Variants in CHD8 observed in about 807,000 individuals in gnomAD.
CHD8 encodes the protein chromodomain helicase DNA binding protein 8, also known as ATP-dependent chromatin remodeler CHD8.
Under a neutral mutation model 279.2 loss-of-function variants are expected in CHD8, and 31 were observed. That is an observed-to-expected ratio of 0.11 (90% CI 0.08 to 0.15). CHD8 has a LOEUF of 0.15. Among genes scored for constraint, CHD8 ranks in the 10% least tolerant of loss-of-function variants. The pLI, the probability that CHD8 is intolerant of heterozygous loss-of-function variation, is 1.00. For synonymous variants in CHD8, 1,081 were observed against 1,139.6 expected, an observed-to-expected ratio of 0.95 and a Z score of 1.04; for missense variants, 2,146 against 3,230.5, an observed-to-expected ratio of 0.66 and a Z score of 8.14.
rs1887509712 is a variant in CHD8 at position 21,390,974 on chromosome 14, C to A, written c.7155G>T (p.Gln2385His). 6.2e-7 allele frequency: 1 copy of A among 1,600,856 alleles called. No homozygotes were observed. The highest frequency in any genetic ancestry group is 1.1e-5 in the South Asian group (1 of 88,980). ...TTTTCCCATTTCTAGAGTTAGCTGT[C>A]TGTACTGGTTCCATTCCCAAACAGT... is the stretch of plus-strand genomic sequence containing the variant. Reference protein sequence around the residue: ...ELNCLGMEPVQTANSRNGKKG... With the variant: ...ELNCLGMEPVHTANSRNGKKG... The change falls in exon 37 of 38, where the codon CAG becomes CAT. Residue 2385 changes from glutamine (Q) to histidine (H), a missense_variant. Gln to His is a conservative substitution (Grantham distance 24, BLOSUM62 0). Coordinates refer to ENST00000646647, the MANE Select transcript of CHD8 (RefSeq NM_001170629.2).
chr14:21,394,878 C>T, intron 30 of CHD8, 34 bp downstream of exon 30: 8 of 1,602,686 alleles, frequency 5.0e-6, no homozygotes, highest in Non-Finnish European at 6.8e-6. Flanking sequence ...TAACTGAAAA[C>T]ACAGATCAGC....
At position 21,427,800 on chromosome 14, in the gene CHD8, C is replaced by T. The variant is rs1247324679; in HGVS notation, c.1601+69G>A. The T allele has an allele frequency of 3.2e-6, 5 of 1,557,140 alleles. No individual in the cohort carries two copies. The East Asian group carries it at 6.8e-5, about 21-fold the overall frequency. The stretch of plus-strand genomic sequence containing the variant: ...TTTGCTCTGCCCTCAAATGTACCAT[C>T]CCAATAGCAAGGAGTACTCACTTGA... On this transcript the variant is annotated intron_variant, in intron 4 of 37. Coordinates refer to ENST00000646647, the MANE Select transcript of CHD8 (RefSeq NM_001170629.2).
rs1195598239 is a variant in CHD8, at chr14:21,385,447, C to T, written c.*166G>A. 8.7e-7 allele frequency: 1 copy of T among 1,153,686 alleles called. No homozygotes were observed. The highest frequency in any genetic ancestry group is 3.0e-5 in the Admixed American group (1 of 33,894). 71.5% of individuals were successfully genotyped at this position (1,153,686 alleles called of 1,614,324 possible). On this transcript the variant is annotated 3_prime_UTR_variant, in exon 38 of 38. Transcript: ENST00000646647. Reference sequence around the variant, plus strand: ...AGTTCCCCTGCCCACCCAATCCTCTCATAATTGGGAGCAATCAGGTACATT... The same window carrying T: ...AGTTCCCCTGCCCACCCAATCCTCTTATAATTGGGAGCAATCAGGTACATT...
At chr14:21,399,771 G>A in intron 25 of CHD8, 66 bp from the exon 26 acceptor site, 9 of 1,126,702 alleles carry the variant, frequency 8.0e-6, no homozygotes, top group Non-Finnish European at 1.1e-5. Context: ...TCCTTGCAAA[G>A]GTTATTATAG....
chr14:21,418,960 G>C (rs1888884294), intron 5 of CHD8, among the ~76,000 whole-genome samples: 1 of 152,248 alleles, frequency 6.6e-6, no homozygotes, highest in African/African-American at 2.4e-5. Context: ...ACTTACTGGG[G>C]TGATGGAAAC....
intron 1 of CHD8, among the ~76,000 whole-genome samples, chr14:21,445,957 G>C (rs1301809303): frequency 6.6e-6 from 1 of 152,134 alleles, no homozygotes; most frequent in Non-Finnish European, 1.5e-5. Flanking sequence ...CTGAGATCGT[G>C]CCACTGCACT....
At chr14:21,437,200 T>C (rs1889821156) in intron 1 of CHD8, 2 of 1,182,994 alleles carry the variant, frequency 1.7e-6, no homozygotes, top group Non-Finnish European at 2.1e-6. Context: ...TTACCTGCAG[T>C]GGCTGTGGGG....
intron 5 of CHD8, among the ~76,000 whole-genome samples, chr14:21,418,845 T>C (rs1343324470): frequency 6.6e-6 from 1 of 151,850 alleles, no homozygotes; most frequent in African/African-American, 2.4e-5. Flanking sequence ...TAAATAAAGT[T>C]CAAAAATAGG....
chr14:21,423,303 C>T (rs750422343), intron 5 of CHD8, among the ~76,000 whole-genome samples: 9 of 152,184 alleles, frequency 5.9e-5, no homozygotes, highest in Non-Finnish European at 8.8e-5. Flanking sequence ...CCATATTTGG[C>T]GAGGACCTTC....
At chr14:21,453,998 A>T (rs532206123) in intron 1 of CHD8, among the ~76,000 whole-genome samples, 5 of 144,932 alleles carry the variant, frequency 3.4e-5, no homozygotes, top group African/African-American at 1.3e-4. Context: ...TACTAAAAAT[A>T]AAAAAAAAAA....
chr14:21,416,701 C>T (rs1423120395), intron 5 of CHD8: 1 of 152,186 alleles, frequency 6.6e-6, no homozygotes, highest in East Asian at 1.9e-4. Context: ...AACTAGTAAA[C>T]TTGAATGGTA....
intron 1 of CHD8, among the ~76,000 whole-genome samples, chr14:21,447,275 T>C (rs1390644634): frequency 6.6e-6 from 1 of 152,156 alleles, no homozygotes; most frequent in African/African-American, 2.4e-5. Flanking sequence ...CTGTTGACAG[T>C]AATGAAATGT....
At chr14:21,429,762 C>A (rs1889486111) in intron 2 of CHD8, 2 of 292,118 alleles carry the variant, frequency 6.8e-6, no homozygotes, top group Non-Finnish European at 1.4e-5. Flanking sequence ...CCCGCTTCAG[C>A]CTCCTGAGTA....
chr14:21,430,505 T>C (rs577722929), intron 2 of CHD8: 17 of 299,548 alleles, frequency 5.7e-5, no homozygotes, highest in Non-Finnish European at 1.1e-4. Flanking sequence ...GAACTCTTGC[T>C]TAATATCTGT....
At chr14:21,442,695 GGAGGAGAGGAGAGGA>G (rs1171396575) in intron 1 of CHD8, among the ~76,000 whole-genome samples, 1 of 79,662 alleles carries the variant, frequency 1.3e-5, no homozygotes, top group African/African-American at 5.8e-5. Flanking sequence ...GGAGGGGAGG[GGAGGAGAGGAGAGGA>G]GAGGAGAAGG....
rs1283618005 is a variant in CHD8 at position 21,405,514 on chromosome 14, A to G, written c.3052-50T>C. On this transcript the variant is annotated intron_variant, in intron 15 of 37. Transcript: ENST00000646647. The surrounding 1 kb of genome is among the most constrained non-coding windows in gnomAD (Gnocchi z 4.2). ...ATAAATCAATAAGATGAGGGCGAAC[A>G]TTCTCACATTATGTAGAAACATGGA... The G allele has an allele frequency of 2.5e-6, 4 of 1,577,074 alleles. No homozygotes were observed. Among genetic ancestry groups the G allele is most frequent in the Non-Finnish European group, 3.4e-6 (4 of 1,162,450 alleles).
At chr14:21,396,583 T>C (rs1887795059) in intron 27 of CHD8, 1 of 151,930 alleles carries the variant, frequency 6.6e-6, no homozygotes, top group African/African-American at 2.4e-5. Context: ...TATTTATTTA[T>C]TTATTTATTT....
At position 21,393,744 on chromosome 14, in the gene CHD8, G is replaced by A. The variant is rs372539313; in HGVS notation, c.6051C>T (p.Pro2017=). The change falls in exon 32 of 38, where the codon CCC becomes CCT. Residue 2017 remains proline (P), a synonymous_variant. Transcript: ENST00000646647. ...KSPEETATQV[P]SLESLTLKLE... ...GCTTTAAAGTCAGACTCTCCAGACT[G>A]GGGACCTGGGTAGCTGTCTCCTCGG... is the stretch of plus-strand genomic sequence containing the variant. 245 of 1,613,752 alleles carry A rather than the reference G, an allele frequency of 1.5e-4. No individual in the cohort carries two copies. The highest frequency in any genetic ancestry group is 1.9e-4 in the Non-Finnish European group (230 of 1,179,846).
intron 1 of CHD8, among the ~76,000 whole-genome samples, chr14:21,439,537 G>A (rs904833823): frequency 2.6e-5 from 4 of 152,148 alleles, no homozygotes; most frequent in African/African-American, 9.7e-5. Flanking sequence ...GAAACTAAGT[G>A]GCAAGTTAGG....
Sources: allele counts gnomAD v4.1 joint callset (sites outside exome capture counted in the v4.1 genomes callset), GRCh38; gene constraint gnomAD v4.1.1; non-coding constraint Gnocchi (gnomAD v3.1); transcripts MANE v1.5; gene names NCBI Gene and HGNC (gene_info 2026-07-23, HGNC 2026-07-21).